STXBP5L: variants seen among roughly 807,000 people sequenced by gnomAD.
The protein encoded by STXBP5L is syntaxin-binding protein 5-like.
Under a neutral mutation model 144.5 loss-of-function variants are expected in STXBP5L, and 65 were observed. The ratio of observed to expected loss-of-function variants is 0.45; its 90% confidence interval spans 0.37 to 0.55. The LOEUF (loss-of-function observed/expected upper bound fraction) is 0.55, where lower values mean the gene tolerates loss of function less well. Among genes scored for constraint, STXBP5L ranks in the 20% least tolerant of loss-of-function variants. The pLI is 0.00. For synonymous variants in STXBP5L, 505 were observed against 469.6 expected (o/e 1.08, Z -0.97); for missense variants, 1,298 against 1,405.5 (o/e 0.92, Z 1.22).
chr3:121,185,894 G>T lies in STXBP5L; in HGVS notation c.878-20029G>T, dbSNP rs1355122528. Among the ~76,000 whole-genome samples the T allele has an allele frequency of 3.3e-5, 5 of 152,140 alleles. No homozygotes were observed. In the South Asian group the frequency reaches 1.0e-3, roughly 32 times the overall value. ...TCTATAAATTACCTTGGGCAGTATTGCCATTTTCACAATATTGATTCTTCC... is the reference window on the plus strand; with the variant it reads ...TCTATAAATTACCTTGGGCAGTATTTCCATTTTCACAATATTGATTCTTCC... On this transcript the variant is annotated intron_variant, in intron 9 of 26. Transcript: ENST00000471454.
intron 11 of STXBP5L, among the ~76,000 whole-genome samples, chr3:121,224,302 CT>C (rs1184280953): frequency 6.6e-4 from 101 of 152,212 alleles, no homozygotes; most frequent in African/African-American, 2.3e-3. Flanking sequence ...TATGTATTAA[CT>C]TACTTTAAAT....
rs911282377 is a variant in STXBP5L at position 121,007,307 on chromosome 3, T to G, written c.288-34393T>G. On this transcript the variant is annotated intron_variant, in intron 3 of 26. Coordinates refer to ENST00000471454, the MANE Select transcript of STXBP5L (RefSeq NM_001308330.2). ...ATCACTGAGGATTTTGTTGACTGTT[T>G]TTCTTGTTTCTAAAGAATATTTGTC... is the stretch of plus-strand genomic sequence containing the variant. Among the ~76,000 whole-genome samples, 3 of 152,186 alleles carry G rather than the reference T, an allele frequency of 2.0e-5. No individual in the cohort carries two copies. The East Asian group carries it at 5.8e-4, about 29-fold the overall frequency.
At chr3:121,399,497 G>C (rs2046817686) in intron 22 of STXBP5L, among the ~76,000 whole-genome samples, 1 of 152,128 alleles carries the variant, frequency 6.6e-6, no homozygotes, top group Non-Finnish European at 1.5e-5. Context: ...TGAGAGCCCT[G>C]AACAGAGATT....
chr3:121,229,882 C>T (rs571873144), intron 11 of STXBP5L, among the ~76,000 whole-genome samples: 5 of 152,210 alleles, frequency 3.3e-5, no homozygotes, highest in African/African-American at 9.6e-5. Context: ...GTCAGAAAAA[C>T]GTGTTTCCCT....
At chr3:121,378,485 C>T (rs957417385) in intron 20 of STXBP5L, among the ~76,000 whole-genome samples, 3 of 152,106 alleles carry the variant, frequency 2.0e-5, no homozygotes, top group African/African-American at 7.2e-5. Flanking sequence ...CTATGTTACA[C>T]AGCCAAAATA....
chr3:121,256,882 C>A (rs2050223786), intron 16 of STXBP5L, among the ~76,000 whole-genome samples: 1 of 151,238 alleles, frequency 6.6e-6, no homozygotes, highest in South Asian at 2.1e-4. Flanking sequence ...AAAACTTTAT[C>A]TTCACTGAGG....
At chr3:121,404,767 A>G (rs576642488) in intron 22 of STXBP5L, among the ~76,000 whole-genome samples, 13 of 152,296 alleles carry the variant, frequency 8.5e-5, no homozygotes, top group Admixed American at 7.2e-4. Flanking sequence ...GTCATAGAAT[A>G]TCAGTATTTT....
At chr3:120,962,748 T>C (rs1457875684) in intron 3 of STXBP5L, among the ~76,000 whole-genome samples, 1 of 152,248 alleles carries the variant, frequency 6.6e-6, no homozygotes, top group Non-Finnish European at 1.5e-5. Context: ...TAGAATTGTC[T>C]TGGCAATGCA....
chr3:121,249,268 C>T (rs1356154292), intron 14 of STXBP5L, among the ~76,000 whole-genome samples: 2 of 151,974 alleles, frequency 1.3e-5, no homozygotes. Flanking sequence ...AATTGTTTTA[C>T]CATATTTTAA....
At chr3:121,345,763 T>C (rs1012969319) in intron 20 of STXBP5L, among the ~76,000 whole-genome samples, 9 of 152,150 alleles carry the variant, frequency 5.9e-5, no homozygotes, top group Non-Finnish European at 1.2e-4. Context: ...TGACAAGTGA[T>C]AATAAGCATT....
At chr3:120,922,888 G>A (rs1709426153) in intron 2 of STXBP5L, among the ~76,000 whole-genome samples, 1 of 151,950 alleles carries the variant, frequency 6.6e-6, no homozygotes, top group South Asian at 2.1e-4. Context: ...AAGTTTGGAA[G>A]TATTCCCTCT....
chr3:121,322,686 G>A (rs1040538537), intron 20 of STXBP5L, among the ~76,000 whole-genome samples: 1 of 151,642 alleles, frequency 6.6e-6, no homozygotes, highest in Non-Finnish European at 1.5e-5. Flanking sequence ...TGTGTGGGGT[G>A]GGGGGTTGAG....
At chr3:121,030,922 G>A (rs943654316) in intron 3 of STXBP5L, among the ~76,000 whole-genome samples, 1 of 152,108 alleles carries the variant, frequency 6.6e-6, no homozygotes, top group Non-Finnish European at 1.5e-5. Context: ...GTAACTTACT[G>A]GGAGAGCTGG....
At chr3:120,985,231 A>C (rs1258045961) in intron 3 of STXBP5L, among the ~76,000 whole-genome samples, 7 of 151,898 alleles carry the variant, frequency 4.6e-5, no homozygotes, top group Non-Finnish European at 8.8e-5. Context: ...TTTGAGAAGG[A>C]TTGGTTTTAA....
rs775456755 is a variant in STXBP5L at position 121,041,695 on chromosome 3, A to G, written c.288-5A>G. On this transcript the variant is annotated splice_polypyrimidine_tract_variant and splice_region_variant and intron_variant, in intron 3 of 26. Transcript: ENST00000471454. ...TGTTAGAATCCTTGACTTTTATTAT[A>G]TTAGACTCGGGAGACCTGGTGTTGA... 8 of 1,608,846 alleles carry G rather than the reference A, an allele frequency of 5.0e-6. No homozygotes were observed. The African/African-American group carries it at 5.3e-5, about 11-fold the overall frequency.
At chr3:120,973,383 ATT>A (rs1329632883) in intron 3 of STXBP5L, among the ~76,000 whole-genome samples, 1 of 149,686 alleles carries the variant, frequency 6.7e-6, no homozygotes, top group East Asian at 2.0e-4. Context: ...GTCTCTGGTG[ATT>A]TTTTTTTGCA....
At chr3:121,046,031 T>C (rs1947495025) in intron 5 of STXBP5L, among the ~76,000 whole-genome samples, 1 of 152,178 alleles carries the variant, frequency 6.6e-6, no homozygotes, top group Non-Finnish European at 1.5e-5. Flanking sequence ...TATTTTGAAA[T>C]ATGTTCCTTT....
chr3:121,071,738 C>G (rs536753097), intron 5 of STXBP5L, among the ~76,000 whole-genome samples: 4 of 152,274 alleles, frequency 2.6e-5, no homozygotes, highest in Admixed American at 2.6e-4. Flanking sequence ...CTTTCTCTTA[C>G]TCACCCTTAT....
intron 9 of STXBP5L, among the ~76,000 whole-genome samples, chr3:121,161,279 C>T (rs1203725630): frequency 7.0e-6 from 1 of 142,078 alleles, no homozygotes; most frequent in African/African-American, 2.6e-5. Context: ...GGCCATTTTT[C>T]CTGGATTTAG....
Sources: gnomAD v4.1 joint callset for allele counts (sites outside exome capture counted in the v4.1 genomes callset) on GRCh38, gnomAD v4.1.1 for gene constraint, MANE v1.5 for transcripts, NCBI Gene and HGNC (gene_info 2026-07-23, HGNC 2026-07-21) for gene names.